The following CHSY3 variants were observed in gnomAD, a reference collection of about 807,000 sequenced individuals.
CHSY3 encodes N-acetylgalactosaminyl-proteoglycan 3-beta-glucuronosyltransferase 3.
Under a neutral mutation model 67.2 loss-of-function variants are expected in CHSY3, and 35 were observed. The observed-to-expected ratio is 0.52, with a 90% confidence interval of 0.40 to 0.69. CHSY3 has a LOEUF of 0.69. CHSY3 is among the 30% of genes least tolerant of loss of function. The probability of loss-of-function intolerance (pLI) is 0.00; values close to 1 mark genes in which losing one functional copy is unlikely to be tolerated. For missense variants in CHSY3, 1,069 were observed against 1,138.5 expected (o/e 0.94, Z 0.88); for synonymous variants, 474 against 434.7 (o/e 1.09, Z -1.12).
At chr5:130,096,793 C>G (rs544009906) in intron 2 of CHSY3, among the ~76,000 whole-genome samples, 1 of 152,100 alleles carries the variant, frequency 6.6e-6, no homozygotes, top group African/African-American at 2.4e-5. Flanking sequence ...CCTCTTTATC[C>G]CAGTACAGAG....
At chr5:130,001,794 A>G (rs1433902401) in intron 2 of CHSY3, 3 of 808,238 alleles carry the variant, frequency 3.7e-6, no homozygotes, top group South Asian at 5.7e-5. Context: ...TTTCCTGTAT[A>G]TCTAGATTAT....
chr5:130,128,489 A>G (rs376599185), intron 2 of CHSY3, among the ~76,000 whole-genome samples: 1 of 152,270 alleles, frequency 6.6e-6, no homozygotes, highest in African/African-American at 2.4e-5. Flanking sequence ...AGGAGCAAGT[A>G]GAATGGTAAT....
chr5:130,077,620 T>G (rs1406799637), intron 2 of CHSY3, among the ~76,000 whole-genome samples: 3 of 152,116 alleles, frequency 2.0e-5, no homozygotes, highest in Admixed American at 1.3e-4. Flanking sequence ...TCAATGCATA[T>G]AATATGTTGT....
At chr5:130,066,952 G>C (rs577980489) in intron 2 of CHSY3, among the ~76,000 whole-genome samples, 4 of 152,118 alleles carry the variant, frequency 2.6e-5, no homozygotes, top group African/African-American at 7.2e-5. Flanking sequence ...TCAGTGATCT[G>C]CTAATGTAAG....
chr5:129,932,291 A>T (rs1361454831), intron 2 of CHSY3, among the ~76,000 whole-genome samples: 5 of 151,928 alleles, frequency 3.3e-5, no homozygotes, highest in Admixed American at 1.3e-4. Context: ...TTGGGGCTCA[A>T]GTATAACGGC....
chr5:129,931,523 C>G (rs1761307974), intron 2 of CHSY3, among the ~76,000 whole-genome samples: 1 of 152,060 alleles, frequency 6.6e-6, no homozygotes. Flanking sequence ...GTTATTGTGG[C>G]AGTTAATAAT....
rs141075730 is a variant in CHSY3 at position 130,051,500 on chromosome 5, A to G, written c.1087-132729A>G. 1.5e-3 allele frequency among the ~76,000 whole-genome samples: 224 copies of G among 152,190 alleles called. 2 individuals carry two copies. Among genetic ancestry groups the G allele is most frequent in the African/African-American group, 5.1e-3 (211 of 41,544 alleles). ...ATCAAGTTATTACACGCTAGGGAAG[A>G]AAACTCATACCACATGGTATATATG... On this transcript the variant is annotated intron_variant, in intron 2 of 2. Transcript: ENST00000305031.
At chr5:130,143,804 ATG>A (rs1554085944) in intron 2 of CHSY3, among the ~76,000 whole-genome samples, 36 of 37,366 alleles carry the variant, frequency 9.6e-4, no homozygotes, top group South Asian at 3.5e-3. Flanking sequence ...ATATATATAT[ATG>A]TGTGTATATA....
intron 2 of CHSY3, among the ~76,000 whole-genome samples, chr5:130,105,952 G>A (rs1208058885): frequency 6.6e-6 from 1 of 151,496 alleles, no homozygotes; most frequent in Non-Finnish European, 1.5e-5. Context: ...CAGAGAACTA[G>A]GTTGCTGTTC....
intron 2 of CHSY3, among the ~76,000 whole-genome samples, chr5:130,108,311 T>A (rs1184224619): frequency 3.3e-5 from 5 of 151,590 alleles, no homozygotes; most frequent in Non-Finnish European, 7.4e-5. Flanking sequence ...CAGAGAGCCC[T>A]TTCAAAAAAT....
At chr5:129,992,261 T>A (rs1763391195) in intron 2 of CHSY3, among the ~76,000 whole-genome samples, 1 of 152,216 alleles carries the variant, frequency 6.6e-6, no homozygotes, top group South Asian at 2.1e-4. Context: ...AGTTAAAATC[T>A]GACTAGAATT....
intron 2 of CHSY3, among the ~76,000 whole-genome samples, chr5:129,948,659 A>G (rs1355475815): frequency 5.3e-5 from 8 of 152,190 alleles, no homozygotes; most frequent in Non-Finnish European, 1.2e-4. Flanking sequence ...ATGTCCAAGT[A>G]TCTTTTCCAT....
intron 2 of CHSY3, among the ~76,000 whole-genome samples, chr5:130,054,688 C>G (rs777454050): frequency 6.6e-6 from 1 of 152,156 alleles, no homozygotes; most frequent in East Asian, 1.9e-4. Flanking sequence ...TGGAAGGAAA[C>G]CTACCACTTA....
chr5:130,034,186 T>C lies in CHSY3; in HGVS notation c.1086+125826T>C, dbSNP rs1320781128. 2.6e-5 allele frequency among the ~76,000 whole-genome samples: 3 copies of C among 116,068 alleles called. No individual in the cohort carries two copies. The East Asian group carries it at 7.9e-4, about 31-fold the overall frequency. 76.1% of individuals were successfully genotyped at this position (116,068 alleles called of 152,430 possible). A position where few individuals can be genotyped will look rare whatever the true frequency, so the allele number is the denominator to read the frequency against. The stretch of plus-strand genomic sequence containing the variant: ...CTTTCTAATTTTTCTTATGTAAGAA[T>C]AATACAGCAGTTAAGTTTTTCTTTT... On this transcript the variant is annotated intron_variant, in intron 2 of 2. Transcript: ENST00000305031.
intron 2 of CHSY3, among the ~76,000 whole-genome samples, chr5:129,980,494 T>C (rs1407661493): frequency 6.6e-6 from 1 of 152,206 alleles, no homozygotes; most frequent in African/African-American, 2.4e-5. Flanking sequence ...GTCTGAAGTG[T>C]TCTTTGTATA....
chr5:130,051,008 T>C (rs1443849588), intron 2 of CHSY3, among the ~76,000 whole-genome samples: 1 of 152,162 alleles, frequency 6.6e-6, no homozygotes, highest in Admixed American at 6.6e-5. Flanking sequence ...ATATAAAATA[T>C]ATTCTTAAAT....
intron 2 of CHSY3, among the ~76,000 whole-genome samples, chr5:129,918,655 A>T (rs1270587517): frequency 6.6e-6 from 1 of 152,136 alleles, no homozygotes; most frequent in African/African-American, 2.4e-5. Flanking sequence ...GCAAAGATGG[A>T]AGAATAGTAC....
chr5:129,924,643 TAAA>T (rs34873764), intron 2 of CHSY3, among the ~76,000 whole-genome samples: 18 of 136,830 alleles, frequency 1.3e-4, no homozygotes, highest in Non-Finnish European at 1.9e-4. Context: ...AGACTCCCTC[TAAA>T]AAAAAAAAAA....
chr5:130,150,600 A>C (rs1297112384), intron 2 of CHSY3, among the ~76,000 whole-genome samples: 2 of 152,166 alleles, frequency 1.3e-5, no homozygotes, highest in Non-Finnish European at 2.9e-5. Context: ...TTATGATTAT[A>C]TGATATTTAG....
Sources: allele counts gnomAD v4.1 joint callset (sites outside exome capture counted in the v4.1 genomes callset), GRCh38; gene constraint gnomAD v4.1.1; transcripts MANE v1.5; gene names NCBI Gene and HGNC (gene_info 2026-07-23, HGNC 2026-07-21).